The following DSCAM variants were observed in gnomAD, a reference collection of about 807,000 sequenced individuals.
DSCAM encodes cell adhesion molecule DSCAM.
DSCAM carries 47 observed loss-of-function variants against 217.7 expected under a neutral mutation model. The observed-to-expected ratio is 0.22, with a 90% CI of 0.17 to 0.28. DSCAM has a LOEUF of 0.28. Among genes scored for constraint, DSCAM ranks in the 10% least tolerant of loss-of-function variants. The pLI is 1.00. For missense variants in DSCAM, 2,080 were observed against 2,618.3 expected, an observed-to-expected ratio of 0.79 and a Z score of 4.49; for synonymous variants, 1,056 against 1,015.3, an observed-to-expected ratio of 1.04 and a Z score of -0.76.
intron 25 of DSCAM, among the ~76,000 whole-genome samples, chr21:40,079,761 T>C (rs2089425649): frequency 6.6e-6 from 1 of 151,878 alleles, no homozygotes; most frequent in Non-Finnish European, 1.5e-5. Flanking sequence ...ATTTTCCCTC[T>C]GAAAAGCGGT....
intron 3 of DSCAM, among the ~76,000 whole-genome samples, chr21:40,575,239 C>A (rs2076840084): frequency 1.3e-5 from 2 of 151,124 alleles, no homozygotes; most frequent in Non-Finnish European, 2.9e-5. Flanking sequence ...AGAGAACAAC[C>A]CCCCTTTGAC....
chr21:40,609,681 G>C (rs2089288192), intron 3 of DSCAM, among the ~76,000 whole-genome samples: 1 of 152,088 alleles, frequency 6.6e-6, no homozygotes, highest in Non-Finnish European at 1.5e-5. Context: ...AGCATTGTTA[G>C]GACTGAATTG....
rs1401199284 is a variant in DSCAM, at chr21:40,411,173, TATACACACACAC to T, written c.509-41940_509-41929del. On this transcript the variant is annotated intron_variant, in intron 3 of 32. Coordinates refer to ENST00000400454, the MANE Select transcript of DSCAM (RefSeq NM_001389.5). ...ATTACTTGAAGATAGACAGTAATTA[TATACACACACAC>T]ACACACACACACACACACACACACA... Among the ~76,000 whole-genome samples the T allele has an allele frequency of 8.2e-3, 1,111 of 134,828 alleles. 11 individuals carry two copies. Among genetic ancestry groups the T allele is most frequent in the African/African-American group, 0.024 (796 of 33,276 alleles). 88.5% of individuals were successfully genotyped at this position (134,828 alleles called of 152,430 possible).
intron 1 of DSCAM, among the ~76,000 whole-genome samples, chr21:40,834,061 G>A (rs896094000): frequency 6.6e-6 from 1 of 152,054 alleles, no homozygotes; most frequent in Non-Finnish European, 1.5e-5. Context: ...CAGCTTGTCC[G>A]GTGCATACTT....
chr21:40,707,363 T>A (rs2090729029), intron 2 of DSCAM, among the ~76,000 whole-genome samples: 1 of 152,234 alleles, frequency 6.6e-6, no homozygotes, highest in Non-Finnish European at 1.5e-5. Flanking sequence ...TTAAAGACAA[T>A]CCTTTTTTTC....
intron 3 of DSCAM, among the ~76,000 whole-genome samples, chr21:40,669,119 A>G (rs967642487): frequency 1.3e-5 from 2 of 152,196 alleles, no homozygotes; most frequent in Non-Finnish European, 2.9e-5. Flanking sequence ...TGCATCACTT[A>G]GTGTCCTGAA....
At chr21:40,129,385 A>C (rs1601360188) in intron 19 of DSCAM, among the ~76,000 whole-genome samples, 1 of 152,260 alleles carries the variant, frequency 6.6e-6, no homozygotes. Flanking sequence ...TCATTCTTTA[A>C]ATGTTTGACT....
intron 9 of DSCAM, among the ~76,000 whole-genome samples, chr21:40,310,885 T>C (rs954396365): frequency 6.6e-6 from 1 of 152,204 alleles, no homozygotes; most frequent in Non-Finnish European, 1.5e-5. Context: ...AAAAATGTCA[T>C]GAGGCTGCTA....
chr21:40,324,862 A>G (rs1271934757), intron 8 of DSCAM, among the ~76,000 whole-genome samples: 2 of 152,244 alleles, frequency 1.3e-5, no homozygotes, highest in African/African-American at 4.8e-5. Context: ...GAAAAGTGTC[A>G]TCTAGATGAG....
intron 11 of DSCAM, among the ~76,000 whole-genome samples, chr21:40,237,459 GTGGTGTT>G (rs1447490175): frequency 2.0e-5 from 3 of 152,176 alleles, no homozygotes; most frequent in South Asian, 2.1e-4. Context: ...GTGAGAACAC[GTGGTGTT>G]TGGTTTTCTG....
chr21:40,325,779 C>A (rs765060687), intron 8 of DSCAM, among the ~76,000 whole-genome samples: 1 of 152,160 alleles, frequency 6.6e-6, no homozygotes, highest in Non-Finnish European at 1.5e-5. Context: ...TACCAGGATG[C>A]GGGGAACTGG....
At chr21:40,344,108 A>T (rs2074531683) in intron 6 of DSCAM, among the ~76,000 whole-genome samples, 1 of 152,128 alleles carries the variant, frequency 6.6e-6, no homozygotes, top group African/African-American at 2.4e-5. Flanking sequence ...CATGTTGGCC[A>T]GGCTGGTCTC....
At chr21:40,098,907 T>TA (rs757131941) in intron 20 of DSCAM, among the ~76,000 whole-genome samples, 3 of 152,118 alleles carry the variant, frequency 2.0e-5, no homozygotes, top group Non-Finnish European at 4.4e-5. Context: ...AGTCACGTCT[T>TA]AGAGTATTAT....
chr21:40,111,908 T>C lies in DSCAM; in HGVS notation c.3696+12287A>G, dbSNP rs542937917. Among the ~76,000 whole-genome samples the C allele has an allele frequency of 1.4e-4, 21 of 152,106 alleles. No homozygotes were observed. In the South Asian group the frequency reaches 2.9e-3, roughly 21 times the overall value. On this transcript the variant is annotated intron_variant, in intron 20 of 32. Coordinates refer to ENST00000400454, the MANE Select transcript of DSCAM (RefSeq NM_001389.5). Reference sequence around the variant, plus strand: ...GCACCCAATACAGGAGCACTCAGATTCATAAAGCAAGTCCTTAGAGACCTA... The same window carrying C: ...GCACCCAATACAGGAGCACTCAGATCCATAAAGCAAGTCCTTAGAGACCTA...
chr21:40,361,145 AT>A (rs1474601996), intron 4 of DSCAM, among the ~76,000 whole-genome samples: 1 of 151,080 alleles, frequency 6.6e-6, no homozygotes, highest in Non-Finnish European at 1.5e-5. Flanking sequence ...ATATATATAT[AT>A]TACAAAAATT....
intron 1 of DSCAM, among the ~76,000 whole-genome samples, chr21:40,786,139 G>A (rs531579126): frequency 6.6e-6 from 1 of 152,254 alleles, no homozygotes; most frequent in East Asian, 1.9e-4. Flanking sequence ...GGGAGGCTGA[G>A]GCAGGAGAAT....
chr21:40,293,335 A>T (rs2073916639), intron 10 of DSCAM, among the ~76,000 whole-genome samples: 1 of 152,066 alleles, frequency 6.6e-6, no homozygotes, highest in Admixed American at 6.5e-5. Flanking sequence ...GGGAAATGTG[A>T]AAGGAAGTTG....
At chr21:40,309,527 G>T (rs2074115536) in intron 9 of DSCAM, among the ~76,000 whole-genome samples, 2 of 152,024 alleles carry the variant, frequency 1.3e-5, no homozygotes, top group Non-Finnish European at 2.9e-5. Flanking sequence ...GGCCTTAAAT[G>T]CTGGAGTGCC....
intron 28 of DSCAM, among the ~76,000 whole-genome samples, chr21:40,057,154 T>C (rs1356494509): frequency 6.6e-6 from 1 of 152,232 alleles, no homozygotes; most frequent in African/African-American, 2.4e-5. Flanking sequence ...CCAGATTGCT[T>C]GCTCTGCAGA....
Sources: gnomAD v4.1 joint callset for allele counts (sites outside exome capture counted in the v4.1 genomes callset) on GRCh38, gnomAD v4.1.1 for gene constraint, MANE v1.5 for transcripts, NCBI Gene and HGNC (gene_info 2026-07-23, HGNC 2026-07-21) for gene names.